The following SDR42E2 variants were observed in gnomAD, a reference collection of about 807,000 sequenced individuals.
SDR42E2 encodes putative short-chain dehydrogenase/reductase family 42E member 2.
SDR42E2 carries 20 observed loss-of-function variants against 10.5 expected under a neutral mutation model. That is an observed-to-expected ratio of 1.90 (90% CI 1.34 to 2.77). The LOEUF is 2.77. Ranked by LOEUF, SDR42E2 falls within the 30% of genes most tolerant of loss-of-function variation. The pLI is 0.00. For synonymous variants in SDR42E2, 72 were observed against 39.2 expected (o/e 1.84, Z -3.12); for missense variants, 162 against 104.2 (o/e 1.55, Z -2.42).
At chr16:22,189,661 G>A (rs2046757281) in intron 12 of SDR42E2, among the ~76,000 whole-genome samples, 2 of 152,206 alleles carry the variant, frequency 1.3e-5, no homozygotes, top group Non-Finnish European at 2.9e-5. Context: ...TAATAAGCGA[G>A]GGCATGAAGG....
intron 3 of SDR42E2, 122 bp from the exon 4 acceptor site, chr16:22,166,782 C>A: frequency 2.2e-6 from 1 of 456,198 alleles, no homozygotes; most frequent in Non-Finnish European, 3.9e-6. Context: ...TTTCCTGATG[C>A]TACAGAGGCT....
intron 8 of SDR42E2, among the ~76,000 whole-genome samples, chr16:22,178,660 G>C (rs1598140135): frequency 6.6e-6 from 1 of 152,364 alleles, no homozygotes; most frequent in Non-Finnish European, 1.5e-5. Context: ...CACAGTCACA[G>C]CTTCAATGTG....
chr16:22,165,303 A>G (rs535317025), intron 1 of SDR42E2, among the ~76,000 whole-genome samples: 2 of 152,060 alleles, frequency 1.3e-5, no homozygotes, highest in South Asian at 4.2e-4. Flanking sequence ...GGCCATGCTG[A>G]TCTCCAACTC....
At position 22,171,813 on chromosome 16, in the gene SDR42E2, T is replaced by A. The variant is rs528049913; in HGVS notation, c.514-443T>A. On this transcript the variant is annotated intron_variant, in intron 6 of 12. Coordinates refer to ENST00000602312, the MANE Select transcript of SDR42E2 (RefSeq NM_001394319.2). The stretch of plus-strand genomic sequence containing the variant: ...TGTCAAAGTGCTGGAATTACAGGCA[T>A]GAGCCACTGCACCCGGACAAGCCTC... Among the ~76,000 whole-genome samples the A allele has an allele frequency of 1.1e-3, 170 of 152,322 alleles. 1 individual carries two copies. The highest frequency in any genetic ancestry group is 2.0e-3 in the Non-Finnish European group (138 of 68,034).
chr16:22,168,286 G>C (rs2046562913), intron 4 of SDR42E2, among the ~76,000 whole-genome samples: 1 of 151,758 alleles, frequency 6.6e-6, no homozygotes, highest in African/African-American at 2.4e-5. Flanking sequence ...TTATTTTTGA[G>C]ACGGAGTTTC....
intron 8 of SDR42E2, among the ~76,000 whole-genome samples, chr16:22,179,598 G>T (rs113836668): frequency 6.6e-6 from 1 of 152,078 alleles, no homozygotes; most frequent in Non-Finnish European, 1.5e-5. Context: ...GATCAATTGA[G>T]GTCAGGAGTT....
chr16:22,190,615 T>C lies in SDR42E2; in HGVS notation c.*222T>C. The stretch of plus-strand genomic sequence containing the variant: ...TACTCCCAGACCTTGCCTTGCGCCC[T>C]TCCTGTGTTTTGGCCCCGCCCCTGT... On this transcript the variant is annotated 3_prime_UTR_variant, in exon 13 of 13. Transcript: ENST00000602312. 2.6e-6 allele frequency: 1 copy of C among 388,980 alleles called. No homozygotes were observed. Among genetic ancestry groups the C allele is most frequent in the East Asian group, 3.7e-5 (1 of 27,244 alleles). 24.1% of individuals were successfully genotyped at this position (388,980 alleles called of 1,614,324 possible). A position where few individuals can be genotyped will look rare whatever the true frequency, so the allele number is the denominator to read the frequency against.
In SDR42E2 at chr16:22,185,187, G is replaced by A. The variant is rs530304339; in HGVS notation, c.940+943G>A. 1.6e-3 allele frequency among the ~76,000 whole-genome samples: 251 copies of A among 152,278 alleles called. 2 individuals carry two copies. The highest frequency in any genetic ancestry group is 6.0e-3 in the African/African-American group (250 of 41,568). On this transcript the variant is annotated intron_variant, in intron 11 of 12. Coordinates refer to ENST00000602312, the MANE Select transcript of SDR42E2 (RefSeq NM_001394319.2). Reference sequence around the variant, plus strand: ...ACAATGGCCTCCTCCCAGCTGGAAGGCAGAGCAGCCTTCAGACATGGAGTG... The same window carrying A: ...ACAATGGCCTCCTCCCAGCTGGAAGACAGAGCAGCCTTCAGACATGGAGTG...
At chr16:22,184,627 A>G (rs986388356) in intron 11 of SDR42E2, among the ~76,000 whole-genome samples, 1 of 152,100 alleles carries the variant, frequency 6.6e-6, no homozygotes, top group Non-Finnish European at 1.5e-5. Flanking sequence ...AAAGAAAAAG[A>G]AACTCAGGCA....
intron 8 of SDR42E2, among the ~76,000 whole-genome samples, chr16:22,180,058 G>C (rs2046679872): frequency 6.6e-6 from 1 of 152,068 alleles, no homozygotes; most frequent in Non-Finnish European, 1.5e-5. Context: ...AAGAGCAAAG[G>C]GGCGGTGCAG....
intron 1 of SDR42E2, among the ~76,000 whole-genome samples, chr16:22,164,007 C>T (rs369280748): frequency 5.5e-5 from 8 of 146,272 alleles, no homozygotes; most frequent in African/African-American, 7.6e-5. Flanking sequence ...GCTGTTGTTA[C>T]GGTTAATGAT....
rs894849177 is a variant in SDR42E2 at position 22,177,801 on chromosome 16, C to T, written c.590-329C>T. On this transcript the variant is annotated intron_variant, in intron 7 of 12. Coordinates refer to ENST00000602312, the MANE Select transcript of SDR42E2 (RefSeq NM_001394319.2). ...TCTGCCGAGTGCTTGGTAAACAGAC[C>T]GGCCGTGCAGATGTTTGCATCTGGC... Among the ~76,000 whole-genome samples the T allele has an allele frequency of 5.9e-5, 9 of 151,802 alleles. No homozygotes were observed. In the South Asian group the frequency reaches 6.2e-4, roughly 11 times the overall value.
rs2046701801 is a variant in SDR42E2, at chr16:22,182,271, C to G, written c.870C>G (p.Ala290=). The change falls in exon 10 of 13, where the codon GCC becomes GCG. Residue 290 remains alanine, a synonymous_variant. Coordinates refer to ENST00000602312, the MANE Select transcript of SDR42E2 (RefSeq NM_001394319.2). ...GESVNLFEWM[A]PLFEKLGYSQ... ...GCGTCAACCTCTTTGAGTGGATGGC[C>G]CCACTGGTAGGTGCACAGATGCCCA... 1 of 401,488 alleles carries G rather than the reference C, an allele frequency of 2.5e-6. No homozygotes were observed. Among genetic ancestry groups the G allele is most frequent in the East Asian group, 3.6e-5 (1 of 28,076 alleles). The allele number at this position is 401,488 out of a possible 1,614,324, so 24.9% of individuals were successfully genotyped here.
At chr16:22,181,040 G>T (rs1238580687) in intron 8 of SDR42E2, among the ~76,000 whole-genome samples, 1 of 152,194 alleles carries the variant, frequency 6.6e-6, no homozygotes, top group East Asian at 1.9e-4. Context: ...CTGCCTGGCT[G>T]GGCAGAGAAC....
At chr16:22,187,730 TA>T (rs2142083750) in intron 12 of SDR42E2, among the ~76,000 whole-genome samples, 1 of 152,242 alleles carries the variant, frequency 6.6e-6, no homozygotes, top group Admixed American at 6.5e-5. Context: ...TTTGCTTAGT[TA>T]AAAGAGAGGA....
chr16:22,178,312 GA>G, intron 8 of SDR42E2, 100 bp downstream of exon 8: 1 of 634,552 alleles, frequency 1.6e-6, no homozygotes, highest in Admixed American at 2.4e-5. Flanking sequence ...CATCAGTCTC[GA>G]GGCTAAGTGT....
chr16:22,167,068 C>T (rs1455772824), intron 4 of SDR42E2, 69 bp downstream of exon 4: 3 of 655,622 alleles, frequency 4.6e-6, no homozygotes, highest in African/African-American at 3.5e-5. Context: ...TGCCCTCACA[C>T]CCATGCATTC....
At position 22,176,643 on chromosome 16, in the gene SDR42E2, G is replaced by A. The variant is rs1469429477; in HGVS notation, c.590-1487G>A. Among the ~76,000 whole-genome samples the A allele has an allele frequency of 2.6e-5, 4 of 152,054 alleles. No individual in the cohort carries two copies. In the East Asian group the frequency reaches 5.8e-4, roughly 22 times the overall value. The stretch of plus-strand genomic sequence containing the variant: ...TCACTATGTTGCCCAGGCTGGTCTC[G>A]AACTCCTGGGCTCAAGCAATCCTCC... On this transcript the variant is annotated intron_variant, in intron 7 of 12. Coordinates refer to ENST00000602312, the MANE Select transcript of SDR42E2 (RefSeq NM_001394319.2).
intron 5 of SDR42E2, 134 bp from the exon 6 acceptor site, chr16:22,170,699 G>A (rs2046590994): frequency 1.5e-6 from 1 of 655,652 alleles, no homozygotes; most frequent in African/African-American, 1.8e-5. Flanking sequence ...GGTCCAAGTT[G>A]TGTGTTGAAA....
Sources: allele counts gnomAD v4.1 joint callset (sites outside exome capture counted in the v4.1 genomes callset), GRCh38; gene constraint gnomAD v4.1.1; transcripts MANE v1.5; gene names NCBI Gene and HGNC (gene_info 2026-07-23, HGNC 2026-07-21).